Variants in SKIC3 observed in about 807,000 individuals in gnomAD.
SKIC3 encodes SKI3 subunit of superkiller complex.
the SKIC3 span, among the ~76,000 whole-genome samples, chr5:95,492,433 G>A: frequency 6.7e-6 from 1 of 150,366 alleles, no homozygotes; most frequent in Middle Eastern, 3.2e-3. Context: ...TCAAGAGATC[G>A]AGACCATCCC....
chr5:95,479,629 A>G, the SKIC3 span, among the ~76,000 whole-genome samples: 2 of 152,066 alleles, frequency 1.3e-5, no homozygotes, highest in East Asian at 3.9e-4. Flanking sequence ...CCTAATTTAT[A>G]AATTAAACTT....
At chr5:95,477,290 T>C in the SKIC3 span, among the ~76,000 whole-genome samples, 1 of 152,038 alleles carries the variant, frequency 6.6e-6, no homozygotes. Context: ...GAAGCAAAAA[T>C]GAACAGAAAT....
At chr5:95,513,644 G>A in the SKIC3 span, 40 of 1,613,410 alleles carry the variant, frequency 2.5e-5, no homozygotes, top group Admixed American at 6.7e-5. Flanking sequence ...AGCAATAAGA[G>A]CCTATAAAAG....
At chr5:95,482,350 A>T in the SKIC3 span, 1 of 1,053,868 alleles carries the variant, frequency 9.5e-7, no homozygotes, top group South Asian at 1.3e-5. Context: ...TTAGATCTTG[A>T]AACTGAGAGA....
the SKIC3 span, among the ~76,000 whole-genome samples, chr5:95,474,506 T>C: frequency 6.6e-6 from 1 of 152,222 alleles, no homozygotes; most frequent in East Asian, 1.9e-4. Flanking sequence ...CCTGATGGGA[T>C]TCCTCTGTAT....
chr5:95,494,750 C>A, the SKIC3 span: 3 of 1,613,696 alleles, frequency 1.9e-6, no homozygotes, highest in Non-Finnish European at 2.5e-6. Context: ...TGCTGAACTG[C>A]TTCCCATAGC....
At chr5:95,530,032 C>T in the SKIC3 span, 3 of 1,593,820 alleles carry the variant, frequency 1.9e-6, no homozygotes, top group African/African-American at 2.7e-5. Context: ...AAGATAAATG[C>T]CTACTGACTG....
At chr5:95,525,414 G>C in the SKIC3 span, 271,378 of 1,613,070 alleles carry the variant, frequency 0.17, 26,724 homozygotes, top group African/African-American at 0.4. Context: ...TCTGCTTGTA[G>C]ATAGTCCTTT....
At chr5:95,517,454 C>A in the SKIC3 span, 4 of 985,788 alleles carry the variant, frequency 4.1e-6, no homozygotes, top group Non-Finnish European at 6.0e-6. Context: ...TGAATCATAT[C>A]ATATCACCTC....
At chr5:95,495,255 G>A in the SKIC3 span, 1 of 482,142 alleles carries the variant, frequency 2.1e-6, no homozygotes, top group South Asian at 2.7e-5. Flanking sequence ...TTCATTTGAA[G>A]GTTCAAAAGT....
chr5:95,512,838 G>A, the SKIC3 span: 4 of 526,246 alleles, frequency 7.6e-6, no homozygotes, highest in East Asian at 3.7e-5. Flanking sequence ...AGAATCAAAC[G>A]GGATAAAATG....
the SKIC3 span, among the ~76,000 whole-genome samples, chr5:95,466,586 G>A: frequency 6.6e-6 from 1 of 152,168 alleles, no homozygotes; most frequent in Non-Finnish European, 1.5e-5. Context: ...TCATATCCTG[G>A]TTTCAGGAAA....
chr5:95,549,402 G>A, the SKIC3 span, among the ~76,000 whole-genome samples: 1 of 151,990 alleles, frequency 6.6e-6, no homozygotes, highest in African/African-American at 2.4e-5. Context: ...AAATACAGCA[G>A]CAAATAGGAA....
the SKIC3 span, among the ~76,000 whole-genome samples, chr5:95,539,154 T>A: frequency 4.6e-5 from 7 of 152,184 alleles, no homozygotes; most frequent in African/African-American, 1.7e-4. Flanking sequence ...CAATCCTTTT[T>A]TTTTGAGCAT....
the SKIC3 span, among the ~76,000 whole-genome samples, chr5:95,481,965 A>G: frequency 1.3e-5 from 2 of 152,234 alleles, no homozygotes; most frequent in Admixed American, 6.5e-5. Flanking sequence ...TTTAATATCA[A>G]TAAGAACAAA....
the SKIC3 span, chr5:95,520,890 G>A: frequency 3.7e-6 from 4 of 1,088,656 alleles, no homozygotes; most frequent in Non-Finnish European, 5.6e-6. Context: ...TTCAAATAAA[G>A]TTATTGGTGT....
chr5:95,509,705 T>C, the SKIC3 span: 1 of 1,550,944 alleles, frequency 6.4e-7, no homozygotes, highest in Non-Finnish European at 8.9e-7. Flanking sequence ...ATGAGAAATA[T>C]CTTCATTTTA....
the SKIC3 span, chr5:95,546,914 G>T: frequency 1.3e-6 from 1 of 754,632 alleles, no homozygotes; most frequent in Non-Finnish European, 2.3e-6. Flanking sequence ...GCTAACTAGA[G>T]GTTAAAAGTC....
chr5:95,534,009 A>T, the SKIC3 span, among the ~76,000 whole-genome samples: 1 of 152,200 alleles, frequency 6.6e-6, no homozygotes, highest in African/African-American at 2.4e-5. Context: ...GAAAACCATA[A>T]ATAGCTGAAT....
Sources: allele counts gnomAD v4.1 joint callset (sites outside exome capture counted in the v4.1 genomes callset), GRCh38; gene constraint gnomAD v4.1.1; transcripts MANE v1.5; gene names NCBI Gene and HGNC (gene_info 2026-07-23, HGNC 2026-07-21).